Variants in PLCL1 observed in about 807,000 individuals in gnomAD.
PLCL1 encodes inactive phospholipase C-like protein 1.
PLCL1 carries 41 observed loss-of-function variants against 84.4 expected under a neutral mutation model. The ratio of observed to expected loss-of-function variants is 0.49; its 90% confidence interval spans 0.38 to 0.63. The LOEUF (loss-of-function observed/expected upper bound fraction) is 0.63, where lower values mean the gene tolerates loss of function less well. Among genes scored for constraint, PLCL1 ranks in the 30% least tolerant of loss-of-function variants. PLCL1 has a pLI of 0.00. For synonymous variants in PLCL1, 490 were observed against 488.3 expected (o/e 1.00, Z -0.05); for missense variants, 1,206 against 1,367.8 (o/e 0.88, Z 1.87).
At chr2:198,016,391 T>C (rs1352989366) in intron 1 of PLCL1, among the ~76,000 whole-genome samples, 1 of 152,212 alleles carries the variant, frequency 6.6e-6, no homozygotes, top group Non-Finnish European at 1.5e-5. Flanking sequence ...TCTTTGATGC[T>C]CCTCTCTTCA....
intron 1 of PLCL1, among the ~76,000 whole-genome samples, chr2:197,880,372 C>T (rs1428045664): frequency 6.6e-6 from 1 of 152,054 alleles, no homozygotes; most frequent in Non-Finnish European, 1.5e-5. Context: ...GTTCTGAGTA[C>T]AGACTATATT....
intron 1 of PLCL1, among the ~76,000 whole-genome samples, chr2:198,042,859 AACAG>A (rs1691696359): frequency 6.6e-6 from 1 of 152,208 alleles, no homozygotes; most frequent in Admixed American, 6.5e-5. Context: ...CATTTGCATA[AACAG>A]ACAGAGAAAG....
intron 5 of PLCL1, among the ~76,000 whole-genome samples, chr2:198,122,817 GTAT>G (rs1693898826): frequency 6.6e-6 from 1 of 152,046 alleles, no homozygotes; most frequent in Admixed American, 6.5e-5. Context: ...TATAAAATAT[GTAT>G]TCTCTCTAGA....
At chr2:197,856,997 G>C (rs546133550) in intron 1 of PLCL1, among the ~76,000 whole-genome samples, 1 of 152,056 alleles carries the variant, frequency 6.6e-6, no homozygotes, top group Non-Finnish European at 1.5e-5. Context: ...GGTGGGAAGA[G>C]GGAGAGGATC....
At chr2:197,886,526 G>A (rs1012342899) in intron 1 of PLCL1, among the ~76,000 whole-genome samples, 12 of 150,302 alleles carry the variant, frequency 8.0e-5, no homozygotes, top group Non-Finnish European at 4.4e-5. Context: ...CATCTCCCTG[G>A]ATTGTCAGTT....
intron 1 of PLCL1, among the ~76,000 whole-genome samples, chr2:198,001,714 G>C (rs1441880752): frequency 6.6e-6 from 1 of 152,060 alleles, no homozygotes; most frequent in African/African-American, 2.4e-5. Flanking sequence ...TAGGAATCAG[G>C]CCCCACAGCA....
intron 1 of PLCL1, among the ~76,000 whole-genome samples, chr2:198,064,322 G>T (rs1692275248): frequency 6.6e-6 from 1 of 152,138 alleles, no homozygotes; most frequent in African/African-American, 2.4e-5. Context: ...TACTGACTAG[G>T]TTACTATTTT....
chr2:198,020,098 A>G (rs556712558), intron 1 of PLCL1, among the ~76,000 whole-genome samples: 39 of 152,350 alleles, frequency 2.6e-4, no homozygotes, highest in African/African-American at 8.9e-4. Context: ...ATTCTTAAAG[A>G]AAAGAATTTT....
At chr2:197,834,741 C>T (rs1021889535) in intron 1 of PLCL1, among the ~76,000 whole-genome samples, 1 of 152,162 alleles carries the variant, frequency 6.6e-6, no homozygotes, top group Non-Finnish European at 1.5e-5. Context: ...GACAGTGTGG[C>T]AATTCCTCAA....
chr2:197,896,642 C>T (rs1402943237), intron 1 of PLCL1, among the ~76,000 whole-genome samples: 5 of 151,940 alleles, frequency 3.3e-5, no homozygotes, highest in Admixed American at 1.3e-4. Context: ...TGCAGATCGA[C>T]GTGGTTTTGG....
intron 2 of PLCL1, among the ~76,000 whole-genome samples, chr2:198,086,490 G>A (rs541999126): frequency 1.3e-5 from 2 of 152,004 alleles, no homozygotes; most frequent in Non-Finnish European, 2.9e-5. Context: ...ATGTGGTGGC[G>A]AGCACGTGTA....
intron 1 of PLCL1, among the ~76,000 whole-genome samples, chr2:197,975,526 C>A (rs551859679): frequency 6.6e-6 from 1 of 152,224 alleles, no homozygotes; most frequent in South Asian, 2.1e-4. Flanking sequence ...AAAAATCATC[C>A]CTAAGGGCCA....
chr2:197,885,756 G>A (rs548240868), intron 1 of PLCL1, among the ~76,000 whole-genome samples: 1 of 152,216 alleles, frequency 6.6e-6, no homozygotes, highest in South Asian at 2.1e-4. Context: ...TTTGATTCAG[G>A]GCTTGACATG....
chr2:198,041,422 A>G (rs1280186380), intron 1 of PLCL1, among the ~76,000 whole-genome samples: 1 of 152,012 alleles, frequency 6.6e-6, no homozygotes, highest in Non-Finnish European at 1.5e-5. Context: ...TTTGTTTTAC[A>G]CTCAGTAATC....
chr2:197,817,515 A>C (rs1253297655), intron 1 of PLCL1, among the ~76,000 whole-genome samples: 4 of 152,080 alleles, frequency 2.6e-5, no homozygotes, highest in Non-Finnish European at 4.4e-5. Context: ...CCTGGGCTTA[A>C]GGGATCCTCT....
At chr2:197,998,184 T>A (rs961768555) in intron 1 of PLCL1, among the ~76,000 whole-genome samples, 37 of 141,104 alleles carry the variant, frequency 2.6e-4, no homozygotes, top group African/African-American at 1.2e-3. Flanking sequence ...TATGTGTGTG[T>A]GTGTGTGTGT....
chr2:197,992,202 G>A (rs561639178), intron 1 of PLCL1, among the ~76,000 whole-genome samples: 1 of 152,030 alleles, frequency 6.6e-6, no homozygotes, highest in East Asian at 1.9e-4. Context: ...CTCCCAATCA[G>A]CATTCATTTT....
chr2:197,854,204 A>T (rs35817167), intron 1 of PLCL1, among the ~76,000 whole-genome samples: 27,330 of 152,138 alleles, frequency 0.18, 2,569 homozygotes, highest in East Asian at 0.27. Context: ...GTATTTGTTG[A>T]AGAAGGAGGG....
chr2:197,837,412 CTCTG>C (rs1691213800), intron 1 of PLCL1, among the ~76,000 whole-genome samples: 1 of 152,164 alleles, frequency 6.6e-6, no homozygotes, highest in Admixed American at 6.5e-5. Context: ...TTTCTGTGGT[CTCTG>C]TCTGCTTAGC....
Sources: gnomAD v4.1 joint callset for allele counts (sites outside exome capture counted in the v4.1 genomes callset) on GRCh38, gnomAD v4.1.1 for gene constraint, MANE v1.5 for transcripts, NCBI Gene and HGNC (gene_info 2026-07-23, HGNC 2026-07-21) for gene names.